Variants in GRIP2 observed in about 807,000 individuals in gnomAD.
The protein encoded by GRIP2 is glutamate receptor-interacting protein 2.
GRIP2 carries 58 observed loss-of-function variants against 108.3 expected under a neutral mutation model. The ratio of observed to expected loss-of-function variants is 0.54; its 90% CI spans 0.43 to 0.67. The LOEUF is 0.67. Among genes scored for constraint, GRIP2 ranks in the 30% least tolerant of loss-of-function variants. The pLI is 0.00. For synonymous variants in GRIP2, 586 were observed against 598.2 expected (o/e 0.98, Z 0.30); for missense variants, 1,278 against 1,430.6 (o/e 0.89, Z 1.72).
At chr3:14,543,979 A>C (rs941526811), upstream of GRIP2, among the ~76,000 whole-genome samples, 5 of 152,372 alleles carry the variant, frequency 3.3e-5, no homozygotes, top group African/African-American at 1.2e-4. Context: ...TTAATGAAAC[A>C]GAAAGCATTC....
chr3:14,573,705 G>A, the GRIP2 span: 35 of 1,418,570 alleles, frequency 2.5e-5, no homozygotes, highest in African/African-American at 3.7e-4. Flanking sequence ...CGGCCACTTG[G>A]TAATGTCTTC....
chr3:14,555,696 G>A (rs1695227195), intron 1 of GRIP2, among the ~76,000 whole-genome samples: 1 of 152,172 alleles, frequency 6.6e-6, no homozygotes, highest in African/African-American at 2.4e-5. Context: ...GGAGGAGACA[G>A]AGAAGGAAGC....
At chr3:14,542,292 T>C (rs1694989571), upstream of GRIP2, among the ~76,000 whole-genome samples, 2 of 151,650 alleles carry the variant, frequency 1.3e-5, no homozygotes, top group South Asian at 4.2e-4. Context: ...TATCTGGGAC[T>C]ACAGGCAGGT....
intron 1 of GRIP2, among the ~76,000 whole-genome samples, chr3:14,536,798 A>G (rs923555025): frequency 1.1e-4 from 17 of 152,190 alleles, no homozygotes; most frequent in African/African-American, 3.4e-4. Context: ...CAGTTTCCCA[A>G]TGGCGGCTGC....
In GRIP2 at chr3:14,489,876, C is replaced by T. The variant is rs1265348399; in HGVS notation, c.*3789G>A. 2 of 152,138 alleles carry T rather than the reference C, an allele frequency of 1.3e-5. No homozygotes were observed. The highest frequency in any genetic ancestry group is 2.9e-5 in the Non-Finnish European group (2 of 68,034). 9.4% of individuals were successfully genotyped at this position (152,138 alleles called of 1,614,324 possible). A position where few individuals can be genotyped will look rare whatever the true frequency, so the allele number is the denominator to read the frequency against. ...TGCCCTTCTCCCACTCCCCCACCGT[C>T]AGGTGCAGGCGCTCATTAATACCCA... On this transcript the variant is annotated 3_prime_UTR_variant, in exon 24 of 24. Coordinates refer to ENST00000621039, the MANE Select transcript of GRIP2 (RefSeq NM_001080423.4).
chr3:14,503,633 C>A lies in GRIP2; in HGVS notation c.2612G>T (p.Arg871Leu). 2 of 1,610,724 alleles carry A rather than the reference C, an allele frequency of 1.2e-6. No individual in the cohort carries two copies. The highest frequency in any genetic ancestry group is 2.2e-5 in the East Asian group (1 of 44,770). Reference protein sequence around the residue: ...PGPAREEGFWRMFGEALEDLE... With the variant: ...PGPAREEGFWLMFGEALEDLE... ...GTCTTCGAGAGCTTCTCCAAACATG[C>A]GCCAGAAGCCCTCCTCTCGGGCAGG... Residue 871 changes from arginine to leucine, a missense_variant, in exon 21 of 24, where the codon CGC (arginine) becomes CTC (leucine). Physicochemically the swap from Arg to Leu is moderately radical, Grantham distance 102. Coordinates refer to ENST00000621039, the MANE Select transcript of GRIP2 (RefSeq NM_001080423.4).
At chr3:14,587,431 G>C in the GRIP2 span, among the ~76,000 whole-genome samples, 28 of 151,986 alleles carry the variant, frequency 1.8e-4, no homozygotes, top group African/African-American at 5.1e-4. Context: ...AGGAGTTCGA[G>C]ACCAGCCGGG....
upstream of GRIP2, among the ~76,000 whole-genome samples, chr3:14,558,909 C>T (rs1695278274): frequency 6.6e-6 from 1 of 152,232 alleles, no homozygotes; most frequent in African/African-American, 2.4e-5. Flanking sequence ...ATAACCTCGC[C>T]CTACCTGCCA....
the GRIP2 span, among the ~76,000 whole-genome samples, chr3:14,577,235 G>A: frequency 6.6e-6 from 1 of 152,326 alleles, no homozygotes; most frequent in Non-Finnish European, 1.5e-5. Context: ...TACTAGTGAT[G>A]TTCATGTTGA....
intron 4 of GRIP2, chr3:14,523,910 C>T (rs1204870409): frequency 7.0e-6 from 4 of 569,494 alleles, no homozygotes; most frequent in African/African-American, 3.7e-5. Flanking sequence ...GAGGAAAGGG[C>T]CTGCCCATGC....
At chr3:14,556,049 C>T (rs1413636567) in exon 1 of GRIP2, 7 of 398,342 alleles carry the variant, frequency 1.8e-5, no homozygotes, top group Non-Finnish European at 3.1e-5. Flanking sequence ...GAGCTGCTTG[C>T]GCTAACTGGC....
rs1694107458 is a variant in GRIP2, at chr3:14,511,900, A to G, written c.1721-421T>C. Among the ~76,000 whole-genome samples the G allele has an allele frequency of 2.0e-5, 3 of 152,222 alleles. No homozygotes were observed. The highest frequency in any genetic ancestry group is 4.8e-5 in the African/African-American group (2 of 41,460). On this transcript the variant is annotated intron_variant, in intron 14 of 23. Coordinates refer to ENST00000621039, the MANE Select transcript of GRIP2 (RefSeq NM_001080423.4). This position sits in a 1 kb window ranked among gnomAD's most constrained non-coding sequence, Gnocchi z 4.1. The stretch of plus-strand genomic sequence containing the variant: ...TATTGTGTGCTTGGGGGTGGGAGAC[A>G]CAGAAGTGAACAAAACAGACAGCAA...
intron 21 of GRIP2, among the ~76,000 whole-genome samples, chr3:14,497,245 G>T (rs1693635879): frequency 6.6e-6 from 1 of 152,168 alleles, no homozygotes; most frequent in African/African-American, 2.4e-5. Context: ...GGGATTACAG[G>T]CGTGAGCCAT....
Position 14,511,308 on chromosome 3 carries a change from G to T in GRIP2, c.1790C>A (p.Thr597Lys). The T allele has an allele frequency of 6.2e-7, 1 of 1,614,000 alleles. No individual in the cohort carries two copies. The highest frequency in any genetic ancestry group is 8.5e-7 in the Non-Finnish European group (1 of 1,179,878). The part of the protein sequence containing the change: ...DIKKGSVAHR[T>K]GTLEPGDKLL... The stretch of plus-strand genomic sequence containing the variant: ...CTTGTCGCCTGGCTCCAGGGTGCCC[G>T]TCCTGCATGAGTCGGGGGCAGAGGG... The change falls in exon 16 of 24, where the codon ACG becomes AAG. Residue 597 changes from threonine to lysine, a missense_variant and splice_region_variant. By Grantham distance (78) the Thr-to-Lys change is moderately conservative. Transcript: ENST00000621039. This position sits in a 1 kb window ranked among gnomAD's most constrained non-coding sequence, Gnocchi z 4.1.
Position 14,521,816 on chromosome 3 carries a change from G to C in GRIP2, c.567-29C>G, listed in dbSNP as rs192224956. The C allele has an allele frequency of 6.4e-7, 1 of 1,550,932 alleles. No homozygotes were observed. ...TAGGGAAGGGCCAGTCACCAGCCTG[G>C]CCCGGCAGCAGCACTGGGCACAGCC... On this transcript the variant is annotated intron_variant, in intron 6 of 23. Transcript: ENST00000621039. This position sits in a 1 kb window ranked among gnomAD's most constrained non-coding sequence, Gnocchi z 5.1.
At position 14,493,573 on chromosome 3, in the gene GRIP2, T is replaced by C. The variant is rs1386360756; in HGVS notation, c.*92A>G. 1.5e-6 allele frequency: 2 copies of C among 1,369,854 alleles called. No individual in the cohort carries two copies. The highest frequency in any genetic ancestry group is 4.7e-5 in the Admixed American group (2 of 42,924). 84.9% of individuals were successfully genotyped at this position (1,369,854 alleles called of 1,614,324 possible). A position where few individuals can be genotyped will look rare whatever the true frequency, so the allele number is the denominator to read the frequency against. ...AGAGTCTGCCAGACCAACAGATGAA[T>C]GAGTGGGTGGCCGCTTCTCCAGCCC... On this transcript the variant is annotated 3_prime_UTR_variant, in exon 24 of 24. Transcript: ENST00000621039.
At chr3:14,494,816 A>G in intron 23 of GRIP2, 27 bp downstream of exon 23, 1 of 1,601,454 alleles carries the variant, frequency 6.2e-7, no homozygotes, top group East Asian at 2.2e-5. Context: ...TGCCACCCCC[A>G]CTATGGAGCC....
Position 14,513,562 on chromosome 3 carries a change from C to T in GRIP2, c.1639+103G>A. ...GCCCCTGGGAGAAGGGCACTGGGCACAGAGGGGGATGGGGTGGAGCGTTTG... is the reference window on the plus strand; with the variant it reads ...GCCCCTGGGAGAAGGGCACTGGGCATAGAGGGGGATGGGGTGGAGCGTTTG... On this transcript the variant is annotated intron_variant, in intron 13 of 23. Transcript: ENST00000621039. 3 of 1,413,380 alleles carry T rather than the reference C, an allele frequency of 2.1e-6. No individual in the cohort carries two copies. In the South Asian group the frequency reaches 4.1e-5, roughly 20 times the overall value. The allele number at this position is 1,413,380 out of a possible 1,614,324, so 87.6% of individuals were successfully genotyped here.
In GRIP2 at chr3:14,505,649, C is replaced by G. The variant is rs760584263; in HGVS notation, c.2539G>C (p.Glu847Gln). 1.2e-6 allele frequency: 2 copies of G among 1,610,476 alleles called. No individual in the cohort carries two copies. Among genetic ancestry groups the G allele is most frequent in the Non-Finnish European group, 1.7e-6 (2 of 1,178,418 alleles). The stretch of plus-strand genomic sequence containing the variant: ...GGCTCCCAATCATCCTCCTCCTCCT[C>G]CTCTGGAAAGCTCTCGTCAGCTGGG... ...PTPADESFPE[E>Q]EEEDDWEPPT... Residue 847 changes from glutamate to glutamine, a missense_variant, in exon 20 of 24, where the codon GAG becomes CAG. Coordinates refer to ENST00000621039, the MANE Select transcript of GRIP2 (RefSeq NM_001080423.4). The surrounding 1 kb of genome is among the most constrained non-coding windows in gnomAD (Gnocchi z 4.2).
Sources: allele counts gnomAD v4.1 joint callset (sites outside exome capture counted in the v4.1 genomes callset), GRCh38; gene constraint gnomAD v4.1.1; non-coding constraint Gnocchi (gnomAD v3.1); transcripts MANE v1.5; gene names NCBI Gene and HGNC (gene_info 2026-07-23, HGNC 2026-07-21).